The following AFF3 variants were observed in gnomAD, a reference collection of about 807,000 sequenced individuals.
The protein encoded by AFF3 is ALF transcription elongation factor 3.
AFF3 carries 32 observed loss-of-function variants against 129.7 expected under a neutral mutation model. The observed-to-expected ratio is 0.25, with a 90% CI of 0.19 to 0.33. The LOEUF (loss-of-function observed/expected upper bound fraction) is 0.33, where lower values mean the gene tolerates loss of function less well. Among genes scored for constraint, AFF3 ranks in the 10% least tolerant of loss-of-function variants. The pLI, the probability that AFF3 is intolerant of heterozygous loss-of-function variation, is 1.00. For missense variants in AFF3, 1,373 were observed against 1,592.0 expected (o/e 0.86, Z 2.34); for synonymous variants, 644 against 635.4 (o/e 1.01, Z -0.20).
chr2:99,686,156 C>T (rs749379751), intron 11 of AFF3, among the ~76,000 whole-genome samples: 2 of 152,082 alleles, frequency 1.3e-5, no homozygotes, highest in Admixed American at 6.5e-5. Flanking sequence ...CGCCACTGCA[C>T]TCCAGCCTGG....
At chr2:100,002,654 G>A (rs1681535222) in intron 7 of AFF3, among the ~76,000 whole-genome samples, 1 of 152,054 alleles carries the variant, frequency 6.6e-6, no homozygotes, top group South Asian at 2.1e-4. Context: ...ACTAAGCTAT[G>A]GGCACCAGCT....
At chr2:99,867,002 A>ATT (rs767813598) in intron 7 of AFF3, among the ~76,000 whole-genome samples, 1 of 95,490 alleles carries the variant, frequency 1.0e-5, no homozygotes, top group African/African-American at 4.2e-5. Context: ...AATAATAATA[A>ATT]AAAATAAATA....
intron 4 of AFF3, among the ~76,000 whole-genome samples, chr2:100,027,047 C>T (rs1039698075): frequency 6.6e-5 from 10 of 151,970 alleles, no homozygotes; most frequent in African/African-American, 2.4e-4. Flanking sequence ...CTCATGTAAC[C>T]AAACACCACC....
At chr2:99,871,653 C>T (rs1340218387) in intron 7 of AFF3, among the ~76,000 whole-genome samples, 1 of 151,922 alleles carries the variant, frequency 6.6e-6, no homozygotes, top group Non-Finnish European at 1.5e-5. Flanking sequence ...TAATGTGAAC[C>T]CTGAAATCAT....
At chr2:100,060,305 G>A (rs1687165272) in intron 4 of AFF3, among the ~76,000 whole-genome samples, 1 of 152,208 alleles carries the variant, frequency 6.6e-6, no homozygotes, top group Admixed American at 6.5e-5. Context: ...AACACAGGGT[G>A]ATCATCTTAC....
At chr2:100,099,319 C>A (rs1433296460) in intron 4 of AFF3, among the ~76,000 whole-genome samples, 1 of 152,168 alleles carries the variant, frequency 6.6e-6, no homozygotes, top group African/African-American at 2.4e-5. Context: ...GAAGTAAAGT[C>A]TAAAAAGGCC....
At chr2:99,937,125 T>C (rs1338463222) in intron 7 of AFF3, among the ~76,000 whole-genome samples, 1 of 152,170 alleles carries the variant, frequency 6.6e-6, no homozygotes, top group Non-Finnish European at 1.5e-5. Context: ...ATTTGCATTA[T>C]AGAATACCGG....
intron 7 of AFF3, among the ~76,000 whole-genome samples, chr2:99,975,785 C>T (rs1398009547): frequency 7.2e-6 from 1 of 139,860 alleles, no homozygotes; most frequent in African/African-American, 2.7e-5. Flanking sequence ...GCCAAACCAC[C>T]CTACTAGATT....
At chr2:99,609,355 A>G (rs931257026) in intron 13 of AFF3, among the ~76,000 whole-genome samples, 1 of 152,080 alleles carries the variant, frequency 6.6e-6, no homozygotes, top group South Asian at 2.1e-4. Flanking sequence ...ACTGAGCCCA[A>G]TTTGTAGTCT....
At chr2:99,921,885 T>C (rs943489358) in intron 7 of AFF3, among the ~76,000 whole-genome samples, 6 of 152,102 alleles carry the variant, frequency 3.9e-5, no homozygotes, top group Non-Finnish European at 8.8e-5. Flanking sequence ...AACAACACTA[T>C]AAAAGATAGG....
At chr2:99,761,974 T>G (rs2105274108) in intron 8 of AFF3, among the ~76,000 whole-genome samples, 1 of 152,134 alleles carries the variant, frequency 6.6e-6, no homozygotes, top group East Asian at 1.9e-4. Flanking sequence ...TGCCCCAGGC[T>G]TTCCTGCCCC....
intron 13 of AFF3, among the ~76,000 whole-genome samples, chr2:99,602,256 C>A (rs1027783073): frequency 6.6e-6 from 1 of 152,172 alleles, no homozygotes; most frequent in African/African-American, 2.4e-5. Context: ...TAAACTGTAA[C>A]CTTCCTTTGA....
At chr2:99,936,769 T>C (rs987011509) in intron 7 of AFF3, among the ~76,000 whole-genome samples, 1 of 152,218 alleles carries the variant, frequency 6.6e-6, no homozygotes, top group Non-Finnish European at 1.5e-5. Flanking sequence ...TTGAGAGTTC[T>C]AACGACCTTC....
At chr2:99,777,131 T>G (rs1575949484) in intron 8 of AFF3, among the ~76,000 whole-genome samples, 2 of 152,086 alleles carry the variant, frequency 1.3e-5, no homozygotes, top group Non-Finnish European at 2.9e-5. Context: ...CCGCTGTGAG[T>G]GGCAGTAGCC....
chr2:100,063,183 G>A (rs562122832), intron 4 of AFF3, among the ~76,000 whole-genome samples: 2 of 149,760 alleles, frequency 1.3e-5, no homozygotes, highest in South Asian at 2.1e-4. Context: ...CCTGGGAGGC[G>A]GAGGTTTCAG....
chr2:99,755,640 GTTC>G (rs1288416984), intron 8 of AFF3, among the ~76,000 whole-genome samples: 3 of 152,116 alleles, frequency 2.0e-5, no homozygotes, highest in East Asian at 1.9e-4. Context: ...TTCTTGACAT[GTTC>G]TTCTTCTGAG....
At chr2:99,733,432 T>C (rs1680004252) in intron 10 of AFF3, among the ~76,000 whole-genome samples, 1 of 150,814 alleles carries the variant, frequency 6.6e-6, no homozygotes, top group African/African-American at 2.4e-5. Context: ...CTTTTCCCAG[T>C]GTTAGCCTTT....
At chr2:99,925,534 A>C (rs1696172430) in intron 7 of AFF3, among the ~76,000 whole-genome samples, 1 of 152,202 alleles carries the variant, frequency 6.6e-6, no homozygotes, top group African/African-American at 2.4e-5. Context: ...GTCGGCACTC[A>C]GTGAAAGTTT....
intron 8 of AFF3, among the ~76,000 whole-genome samples, chr2:99,783,974 T>C (rs1457083038): frequency 3.9e-5 from 6 of 152,260 alleles, no homozygotes; most frequent in Admixed American, 2.0e-4. Context: ...TTTTTGAAGC[T>C]GCATTAACTC....
Sources: gnomAD v4.1 joint callset for allele counts (sites outside exome capture counted in the v4.1 genomes callset) on GRCh38, gnomAD v4.1.1 for gene constraint, MANE v1.5 for transcripts, NCBI Gene and HGNC (gene_info 2026-07-23, HGNC 2026-07-21) for gene names.